Variants in ANKIB1 observed in about 807,000 individuals in gnomAD.
ANKIB1 encodes ankyrin repeat and IBR domain-containing protein 1.
A neutral mutation model predicts 122.1 loss-of-function variants in ANKIB1; 43 were observed. The observed-to-expected ratio is 0.35, with a 90% confidence interval of 0.28 to 0.45. ANKIB1 has a LOEUF of 0.45. Among genes scored for constraint, ANKIB1 ranks in the 20% least tolerant of loss-of-function variants. The pLI is 1.00. For missense variants in ANKIB1, 992 were observed against 1,329.5 expected, an observed-to-expected ratio of 0.75 and a Z score of 3.95; for synonymous variants, 390 against 442.0, an observed-to-expected ratio of 0.88 and a Z score of 1.48.
At chr7:92,252,386 C>CTTTT (rs34891046) in intron 1 of ANKIB1, among the ~76,000 whole-genome samples, 1 of 134,194 alleles carries the variant, frequency 7.5e-6, no homozygotes, top group Non-Finnish European at 1.6e-5. Context: ...TAAGGTACTA[C>CTTTT]TTTTTTTTTT....
At chr7:92,385,259 A>T (rs567318804) in intron 11 of ANKIB1, among the ~76,000 whole-genome samples, 1 of 152,362 alleles carries the variant, frequency 6.6e-6, no homozygotes, top group South Asian at 2.1e-4. Context: ...GTGGAAAAAT[A>T]GGAACGCTTT....
chr7:92,297,720 A>G (rs1181768607), intron 2 of ANKIB1, among the ~76,000 whole-genome samples: 1 of 152,108 alleles, frequency 6.6e-6, no homozygotes, highest in Non-Finnish European at 1.5e-5. Flanking sequence ...TAATTTTACT[A>G]AAGCATAGCC....
rs1214312260 is a variant in ANKIB1 at position 92,299,546 on chromosome 7, T to TA, written c.188+4382dup. 3.3e-5 allele frequency among the ~76,000 whole-genome samples: 5 copies of TA among 152,190 alleles called. No homozygotes were observed. In the East Asian group the frequency reaches 9.6e-4, roughly 29 times the overall value. ...TATTTAAAAACATTTCTCACTTTCC[T>TA]AACTATATAAAGGCTGGATTTTCTT... On this transcript the variant is annotated intron_variant, in intron 2 of 19. Coordinates refer to ENST00000265742, the MANE Select transcript of ANKIB1 (RefSeq NM_019004.2).
chr7:92,280,831 C>T (rs767430557), intron 1 of ANKIB1, among the ~76,000 whole-genome samples: 1 of 152,180 alleles, frequency 6.6e-6, no homozygotes, highest in African/African-American at 2.4e-5. Context: ...GCTGCCCAGG[C>T]ATCAAAGTTT....
In ANKIB1 at chr7:92,398,717, A is replaced by G. The variant is rs147057089; in HGVS notation, c.3038A>G (p.Asp1013Gly). 3.3e-5 allele frequency: 54 copies of G among 1,613,674 alleles called. 1 individual carries two copies. In the African/African-American group the frequency reaches 5.3e-4, roughly 16 times the overall value. The stretch of plus-strand genomic sequence containing the variant: ...AAAGATGGGTCAGAAGGTGTGAAGG[A>G]TGTGGAACTGGTGCTGCCAGAAGAT... ...CIKDGSEGVK[D>G]VELVLPEDSM... Residue 1013 changes from aspartate (D) to glycine (G), a missense_variant, in exon 20 of 20, where the codon GAT becomes GGT. Asp to Gly is a moderately conservative substitution (Grantham distance 94, BLOSUM62 -1). Around this residue, in one of 4 missense-constraint regions of ANKIB1, gnomAD observed 384 missense variants for 412.0 expected, o/e 0.93. Transcript: ENST00000265742.
At chr7:92,265,196 C>G (rs912577993) in intron 1 of ANKIB1, among the ~76,000 whole-genome samples, 1 of 152,018 alleles carries the variant, frequency 6.6e-6, no homozygotes, top group East Asian at 1.9e-4. Context: ...CCAGGCTGGT[C>G]TTGAACTCCT....
Position 92,362,476 on chromosome 7 carries a change from C to T in ANKIB1, c.1486+203C>T, listed in dbSNP as rs115339242. On this transcript the variant is annotated intron_variant, in intron 10 of 19. Transcript: ENST00000265742. ...GCAAGGAGGAATCATGGACAAGTTC[C>T]ATGTTTCTAACAGACTTACTTTCCA... 2.6e-3 allele frequency among the ~76,000 whole-genome samples: 403 copies of T among 152,240 alleles called. 1 individual carries two copies. The highest frequency in any genetic ancestry group is 9.5e-3 in the African/African-American group (394 of 41,528).
At position 92,362,195 on chromosome 7, in the gene ANKIB1, G is replaced by C. The variant is rs1358980984; in HGVS notation, c.1408G>C (p.Gly470Arg). Reference protein sequence around the residue: ...KGHLFCWECLGEAHEPCDCQT... With the variant: ...KGHLFCWECLREAHEPCDCQT... ...GTTTATTTTCTTTAGGGAGTGCCTT[G>C]GTGAAGCACATGAGCCTTGTGACTG... Residue 470 changes from glycine (G) to arginine (R), a missense_variant, in exon 10 of 20, where the codon GGT (glycine) becomes CGT (arginine). By Grantham distance (125) the Gly-to-Arg change is moderately radical (BLOSUM62 -2). Around this residue, in one of 4 missense-constraint regions of ANKIB1, gnomAD observed 521 missense variants for 777.7 expected, o/e 0.67. Coordinates refer to ENST00000265742, the MANE Select transcript of ANKIB1 (RefSeq NM_019004.2). 1.9e-6 allele frequency: 3 copies of C among 1,596,816 alleles called. No individual in the cohort carries two copies. The highest frequency in any genetic ancestry group is 2.6e-6 in the Non-Finnish European group (3 of 1,171,270).
In ANKIB1 at chr7:92,391,190, G is replaced by A. The variant is rs1446243554; in HGVS notation, c.2077G>A (p.Asp693Asn). Residue 693 changes from aspartate to asparagine, a missense_variant, in exon 16 of 20, where the codon GAC becomes AAC. Asp to Asn is a conservative substitution (Grantham distance 23). Coordinates refer to ENST00000265742, the MANE Select transcript of ANKIB1 (RefSeq NM_019004.2). The stretch of plus-strand genomic sequence containing the variant: ...GACAGACCTAGAAATGGTCACTGAA[G>A]ACCTTGCCCAGAAAGTCAATAGGCC... ...MQTDLEMVTE[D>N]LAQKVNRPYL... 6.2e-7 allele frequency: 1 copy of A among 1,611,014 alleles called. No individual in the cohort carries two copies. The highest frequency in any genetic ancestry group is 8.5e-7 in the Non-Finnish European group (1 of 1,178,706).
In ANKIB1 at chr7:92,399,721, A is replaced by T. The variant is rs1804978764; in HGVS notation, c.*772A>T. ...TGCCATGGAGACTGCATTTATATAA[A>T]TGTAGCCTGTAGCTTAAGTTAACTA... On this transcript the variant is annotated 3_prime_UTR_variant, in exon 20 of 20. Transcript: ENST00000265742. 2 of 152,182 alleles carry T rather than the reference A, an allele frequency of 1.3e-5. No individual in the cohort carries two copies. Among genetic ancestry groups the T allele is most frequent in the Admixed American group, 1.3e-4 (2 of 15,270 alleles). The allele number at this position is 152,182 out of a possible 1,614,324, so 9.4% of individuals were successfully genotyped here.
At chr7:92,295,205 C>T in intron 2 of ANKIB1, 39 bp downstream of exon 2, 1 of 1,351,808 alleles carries the variant, frequency 7.4e-7, no homozygotes, top group Non-Finnish European at 9.7e-7. Flanking sequence ...TAGGGTATTA[C>T]CGTAAACTAA....
intron 11 of ANKIB1, among the ~76,000 whole-genome samples, chr7:92,374,693 T>G (rs1431701139): frequency 6.6e-6 from 1 of 151,894 alleles, no homozygotes; most frequent in Non-Finnish European, 1.5e-5. Flanking sequence ...GAATAAGGAA[T>G]TAATTAAGGA....
intron 1 of ANKIB1, among the ~76,000 whole-genome samples, chr7:92,257,801 T>G (rs1394316816): frequency 2.0e-5 from 3 of 151,998 alleles, no homozygotes; most frequent in Admixed American, 6.6e-5. Context: ...TCAAAAAAAA[T>G]AAAATAAAAT....
At chr7:92,381,516 AAG>A (rs1364319513) in intron 11 of ANKIB1, among the ~76,000 whole-genome samples, 3 of 152,218 alleles carry the variant, frequency 2.0e-5, no homozygotes, top group Admixed American at 6.5e-5. Flanking sequence ...CCACAAAGGA[AAG>A]CCCATCAGAC....
chr7:92,305,353 A>T (rs1329488640), intron 2 of ANKIB1, among the ~76,000 whole-genome samples: 1 of 152,192 alleles, frequency 6.6e-6, no homozygotes. Context: ...CCCCAGTCCC[A>T]TGTCACTGAT....
intron 11 of ANKIB1, among the ~76,000 whole-genome samples, chr7:92,375,252 C>T (rs1804354781): frequency 6.6e-6 from 1 of 152,202 alleles, no homozygotes; most frequent in South Asian, 2.1e-4. Context: ...GTTGAGTTGG[C>T]TGTGGCAGTT....
chr7:92,265,369 G>T (rs562872705), intron 1 of ANKIB1, among the ~76,000 whole-genome samples: 68 of 152,182 alleles, frequency 4.5e-4, no homozygotes, highest in African/African-American at 1.6e-3. Flanking sequence ...TAGGCTGAAG[G>T]TAGTGCGTAT....
At chr7:92,367,019 CCTT>C (rs1804101724) in intron 10 of ANKIB1, among the ~76,000 whole-genome samples, 1 of 152,076 alleles carries the variant, frequency 6.6e-6, no homozygotes, top group Non-Finnish European at 1.5e-5. Flanking sequence ...GAAAAAATGT[CCTT>C]CCTCATGATA....
intron 2 of ANKIB1, among the ~76,000 whole-genome samples, chr7:92,296,828 AAATAATTTAGGTC>A (rs1802366596): frequency 6.6e-6 from 1 of 152,208 alleles, no homozygotes; most frequent in African/African-American, 2.4e-5. Context: ...AAAATTTCAT[AAATAATTTAGGTC>A]ATCCAGGCCT....
Sources: allele counts gnomAD v4.1 joint callset (sites outside exome capture counted in the v4.1 genomes callset), GRCh38; gene constraint gnomAD v4.1.1; regional missense constraint gnomAD v4.1.1; transcripts MANE v1.5; gene names NCBI Gene and HGNC (gene_info 2026-07-23, HGNC 2026-07-21).